HDX: variants seen among roughly 807,000 people sequenced by gnomAD.
The protein encoded by HDX is chromosome X open reading frame 43.
Under a neutral mutation model 45.2 loss-of-function variants are expected in HDX, and 19 were observed. That is an observed-to-expected ratio of 0.42 (90% CI 0.29 to 0.62). HDX has a LOEUF of 0.62. HDX is among the 20% of genes least tolerant of loss of function. The probability of loss-of-function intolerance (pLI) is 0.20; values close to 1 mark genes in which losing one functional copy is unlikely to be tolerated. For missense variants in HDX, 532 were observed against 493.9 expected (o/e 1.08, Z -0.73); for synonymous variants, 188 against 172.8 (o/e 1.09, Z -0.69).
chrX:84,454,085 G>A (rs2040062091), intron 4 of HDX, among the ~76,000 whole-genome samples: 1 of 111,960 alleles, frequency 8.9e-6, no homozygotes, highest in Non-Finnish European at 1.9e-5. Context: ...GGGAGTACTT[G>A]CTATGGTACT....
At chrX:84,490,862 C>A (rs1656435215) in intron 1 of HDX, among the ~76,000 whole-genome samples, 1 of 109,728 alleles carries the variant, frequency 9.1e-6, no homozygotes, top group Admixed American at 9.7e-5. Context: ...AGAATGTTGC[C>A]CCATTGTTTT....
chrX:84,349,577 A>ATATATG (rs1287271432), intron 6 of HDX, among the ~76,000 whole-genome samples: 2 of 90,625 alleles, frequency 2.2e-5, no homozygotes, highest in Non-Finnish European at 4.2e-5. Flanking sequence ...ATATATGTGT[A>ATATATG]TATATGTACA....
chrX:84,391,424 T>G lies in HDX; in HGVS notation c.1306-29812A>C, dbSNP rs1012608469. 2.7e-5 allele frequency among the ~76,000 whole-genome samples: 3 copies of G among 111,906 alleles called. 1 individual carries two copies. The highest frequency in any genetic ancestry group is 3.8e-5 in the Non-Finnish European group (2 of 53,072). ...GTGATAAACATGGTAGTGCAGGCAT[T>G]CCTATATTTGATATAGTGATTTCTC... On this transcript the variant is annotated intron_variant, in intron 5 of 10. Coordinates refer to ENST00000373177, the MANE Select transcript of HDX (RefSeq NM_001177479.2).
chrX:84,416,312 T>C (rs763027456), intron 5 of HDX, among the ~76,000 whole-genome samples: 7 of 111,676 alleles, frequency 6.3e-5, no homozygotes, highest in African/African-American at 2.3e-4. Context: ...TAAGCCAAAC[T>C]TGATTAACTA....
At chrX:84,376,730 T>C (rs2038065890) in intron 5 of HDX, among the ~76,000 whole-genome samples, 1 of 112,071 alleles carries the variant, frequency 8.9e-6, no homozygotes, top group Non-Finnish European at 1.9e-5. Context: ...CACAGTACAA[T>C]AGAACAACAG....
chrX:84,362,882 C>G (rs781262009), intron 5 of HDX, among the ~76,000 whole-genome samples: 7 of 111,513 alleles, frequency 6.3e-5, no homozygotes, highest in Non-Finnish European at 1.1e-4. Flanking sequence ...TACTAAACAA[C>G]AGTTGCAAGC....
intron 5 of HDX, among the ~76,000 whole-genome samples, chrX:84,367,109 G>A (rs765790865): frequency 9.0e-6 from 1 of 111,390 alleles, no homozygotes; most frequent in African/African-American, 3.3e-5. Context: ...AGCTGACAAA[G>A]GGCTAATATC....
intron 5 of HDX, among the ~76,000 whole-genome samples, chrX:84,373,939 T>C (rs2037970337): frequency 1.0e-5 from 1 of 99,449 alleles, no homozygotes; most frequent in African/African-American, 3.8e-5. Flanking sequence ...AAATAAAGGG[T>C]ATTCAATTAG....
chrX:84,477,352 T>C (rs1326721811), intron 2 of HDX, among the ~76,000 whole-genome samples: 1 of 111,913 alleles, frequency 8.9e-6, no homozygotes. Flanking sequence ...ATCTGCCCTA[T>C]GTTTTCCCAT....
At chrX:84,356,197 A>AACAT (rs969459957) in intron 6 of HDX, among the ~76,000 whole-genome samples, 1 of 111,827 alleles carries the variant, frequency 8.9e-6, no homozygotes, top group African/African-American at 3.3e-5. Context: ...TAGACTTAAA[A>AACAT]ACATATAAAT....
chrX:84,406,770 T>C (rs1276905279), intron 5 of HDX, among the ~76,000 whole-genome samples: 1 of 111,170 alleles, frequency 9.0e-6, no homozygotes, highest in East Asian at 2.8e-4. Flanking sequence ...TTATCTTGAC[T>C]CAGAAGGCTT....
At chrX:84,376,563 C>T (rs6616933) in intron 5 of HDX, among the ~76,000 whole-genome samples, 7,520 of 110,957 alleles carry the variant, frequency 0.068, 364 homozygotes, top group East Asian at 0.34. Flanking sequence ...GACTTAACAG[C>T]GCTTGGGTCC....
intron 6 of HDX, 62 bp downstream of exon 6, chrX:84,361,404 T>G (rs952918800): frequency 9.4e-7 from 1 of 1,062,347 alleles, no homozygotes; most frequent in Non-Finnish European, 1.3e-6. Context: ...CATGTAAGAT[T>G]TTAAAGCTTT....
chrX:84,487,621 C>T (rs2040821694), intron 2 of HDX, among the ~76,000 whole-genome samples: 1 of 111,739 alleles, frequency 8.9e-6, no homozygotes, highest in African/African-American at 3.3e-5. Context: ...CTGTCCCACT[C>T]CTGAACAACT....
chrX:84,372,379 A>G lies in HDX; in HGVS notation c.1306-10767T>C, dbSNP rs375880590. On this transcript the variant is annotated intron_variant, in intron 5 of 10. Transcript: ENST00000373177. Reference sequence around the variant, plus strand: ...AATAACTTTTTGCATAGCCTTAATTAAAAAGAAAAATCAGTGGTAAACCTT... The same window carrying G: ...AATAACTTTTTGCATAGCCTTAATTGAAAAGAAAAATCAGTGGTAAACCTT... Among the ~76,000 whole-genome samples the G allele has an allele frequency of 8.0e-5, 9 of 111,842 alleles. No individual in the cohort carries two copies. In the South Asian group the frequency reaches 3.3e-3, roughly 41 times the overall value.
intron 5 of HDX, among the ~76,000 whole-genome samples, chrX:84,401,417 T>A (rs1380955489): frequency 9.0e-6 from 1 of 111,567 alleles, no homozygotes; most frequent in Non-Finnish European, 1.9e-5. Flanking sequence ...CAAACACTTC[T>A]CAAAAGAAGA....
chrX:84,445,174 C>T (rs1201902590), intron 4 of HDX, among the ~76,000 whole-genome samples: 2 of 111,747 alleles, frequency 1.8e-5, no homozygotes. Flanking sequence ...ACTTATGAGG[C>T]TAGAAAAGCT....
intron 4 of HDX, among the ~76,000 whole-genome samples, chrX:84,450,712 G>T (rs2039978920): frequency 8.9e-6 from 1 of 112,239 alleles, no homozygotes; most frequent in African/African-American, 3.2e-5. Context: ...CACATTTACA[G>T]AATATTTCAT....
Position 84,337,014 on chromosome X carries a change from G to A in HDX, c.1661-134C>T, listed in dbSNP as rs993852807. On this transcript the variant is annotated intron_variant, in intron 7 of 10. Coordinates refer to ENST00000373177, the MANE Select transcript of HDX (RefSeq NM_001177479.2). ...CAAATTCATTTCACACGTTTGATGA[G>A]CAATTCTACTTCAAACAATGCATTC... The A allele has an allele frequency of 1.1e-5, 5 of 444,787 alleles. No individual in the cohort carries two copies. The African/African-American group carries it at 1.2e-4, about 11-fold the overall frequency. 36.7% of individuals were successfully genotyped at this position (444,787 alleles called of 1,213,427 possible).
Sources: gnomAD v4.1 joint callset for allele counts (sites outside exome capture counted in the v4.1 genomes callset) on GRCh38, gnomAD v4.1.1 for gene constraint, MANE v1.5 for transcripts, NCBI Gene and HGNC (gene_info 2026-07-23, HGNC 2026-07-21) for gene names.